The following ZFHX3 variants were observed in gnomAD, a reference collection of about 807,000 sequenced individuals.
ZFHX3 encodes the protein zinc finger homeobox 3, also known as zinc finger homeobox protein 3.
ZFHX3 carries 42 observed loss-of-function variants against 279.1 expected under a neutral mutation model. That is an observed-to-expected ratio of 0.15 (90% CI 0.12 to 0.19). The LOEUF (loss-of-function observed/expected upper bound fraction) is 0.19, where lower values mean the gene tolerates loss of function less well. Among genes scored for constraint, ZFHX3 ranks in the 10% least tolerant of loss-of-function variants. ZFHX3 has a pLI of 1.00. For synonymous variants in ZFHX3, 2,293 were observed against 1,957.8 expected (o/e 1.17, Z -4.52); for missense variants, 4,981 against 4,754.0 (o/e 1.05, Z -1.40).
chr16:73,788,335 G>T (rs1168780928), intron 1 of ZFHX3, among the ~76,000 whole-genome samples: 1 of 152,194 alleles, frequency 6.6e-6, no homozygotes, highest in Non-Finnish European at 1.5e-5. Context: ...CATCCCCTGG[G>T]CTTGGAGAGA....
intron 1 of ZFHX3, among the ~76,000 whole-genome samples, chr16:72,986,322 G>T (rs1382785112): frequency 6.6e-6 from 1 of 152,166 alleles, no homozygotes; most frequent in African/African-American, 2.4e-5. Context: ...ATCGATGGAG[G>T]GGGGCTGCTC....
At chr16:73,699,033 C>T (rs1015864364) in intron 1 of ZFHX3, among the ~76,000 whole-genome samples, 25 of 152,046 alleles carry the variant, frequency 1.6e-4, no homozygotes, top group African/African-American at 5.6e-4. Context: ...TATAGGCGCC[C>T]GCTACCACGC....
chr16:73,025,675 C>G (rs1282347028), intron 1 of ZFHX3, among the ~76,000 whole-genome samples: 1 of 152,138 alleles, frequency 6.6e-6, no homozygotes, highest in Non-Finnish European at 1.5e-5. Context: ...GACACCCCAG[C>G]CAACATGAAC....
chr16:72,926,564 G>A (rs1288117051), intron 3 of ZFHX3, among the ~76,000 whole-genome samples: 3 of 152,098 alleles, frequency 2.0e-5, no homozygotes, highest in African/African-American at 7.2e-5. Flanking sequence ...CTTCCTTTTC[G>A]GAGTATGGAT....
intron 3 of ZFHX3, among the ~76,000 whole-genome samples, chr16:73,330,502 TA>T (rs1842984217): frequency 1.3e-5 from 2 of 152,140 alleles, no homozygotes. Context: ...GGGAATGCAA[TA>T]GGGGCAAACG....
intron 2 of ZFHX3, among the ~76,000 whole-genome samples, chr16:73,553,639 G>T (rs2020234641): frequency 6.6e-6 from 1 of 152,158 alleles, no homozygotes; most frequent in Non-Finnish European, 1.5e-5. Context: ...TATATTTAAG[G>T]ACAGCATAGA....
chr16:73,058,941 GGGA>G lies in ZFHX3; in HGVS notation c.-438_-436del, dbSNP rs547025423. 752 of 169,616 alleles carry G rather than the reference GGGA, an allele frequency of 4.4e-3. 5 individuals carry two copies. Among genetic ancestry groups the G allele is most frequent in the African/African-American group, 0.011 (469 of 40,990 alleles). 10.5% of individuals were successfully genotyped at this position (169,616 alleles called of 1,614,324 possible). On this transcript the variant is annotated 5_prime_UTR_variant, in exon 1 of 9. Coordinates refer to the ZFHX3 transcript ENST00000397992. ...GCAGGCGGCGGCGGCGGCTGCGGCC[GGGA>G]GGAGGAGGAGGAGGAGGCGGCGGCG...
At chr16:73,812,494 T>C (rs903260211) in intron 1 of ZFHX3, 1 of 152,202 alleles carries the variant, frequency 6.6e-6, no homozygotes, top group African/African-American at 2.4e-5. Flanking sequence ...ACACGTTTGT[T>C]TGGGCAGTTA....
At chr16:73,135,563 T>G (rs1966773754) in intron 6 of ZFHX3, among the ~76,000 whole-genome samples, 1 of 152,196 alleles carries the variant, frequency 6.6e-6, no homozygotes, top group Admixed American at 6.5e-5. Flanking sequence ...CTCTGAGAGG[T>G]TGCAAACTTA....
chr16:72,878,536 C>G (rs1490814365), intron 4 of ZFHX3, among the ~76,000 whole-genome samples: 2 of 152,236 alleles, frequency 1.3e-5, no homozygotes. Flanking sequence ...CTCAGAGCAA[C>G]CCGAGGCACG....
chr16:73,542,065 G>T (rs1282238448), intron 2 of ZFHX3, among the ~76,000 whole-genome samples: 1 of 151,986 alleles, frequency 6.6e-6, no homozygotes, highest in Non-Finnish European at 1.5e-5. Context: ...CTCCCAAAAT[G>T]CTTGGATTAC....
At position 72,787,046 on chromosome 16, in the gene ZFHX3, T is replaced by TC. The variant is rs909503473; in HGVS notation, c.*117_*118insG. 6 of 1,016,228 alleles carry TC rather than the reference T, an allele frequency of 5.9e-6. 1 individual carries two copies. Among genetic ancestry groups the TC allele is most frequent in the East Asian group, 7.8e-5 (2 of 25,502 alleles). The allele number at this position is 1,016,228 out of a possible 1,614,324, so 63.0% of individuals were successfully genotyped here. A position where few individuals can be genotyped will look rare whatever the true frequency, so the allele number is the denominator to read the frequency against. ...ACGCTTTTTCTTTTTTTTCTTTTTT[T>TC]TTTTTTTTTTGTTTTTTGGTTAGAA... On this transcript the variant is annotated 3_prime_UTR_variant, in exon 10 of 10. Transcript: ENST00000268489.
intron 3 of ZFHX3, among the ~76,000 whole-genome samples, chr16:73,408,122 T>G (rs1264792277): frequency 2.0e-5 from 3 of 151,396 alleles, no homozygotes; most frequent in South Asian, 2.1e-4. Flanking sequence ...TTTTTTTTTT[T>G]GCTTGGGTGG....
intron 1 of ZFHX3, among the ~76,000 whole-genome samples, chr16:73,043,491 T>C (rs940883725): frequency 7.9e-5 from 12 of 152,200 alleles, no homozygotes; most frequent in African/African-American, 1.2e-4. Context: ...AGAAACTCCA[T>C]GAATGAAGGC....
chr16:73,259,367 A>G (rs1356515184), intron 4 of ZFHX3, among the ~76,000 whole-genome samples: 1 of 152,174 alleles, frequency 6.6e-6, no homozygotes, highest in East Asian at 1.9e-4. Flanking sequence ...AAACTTTATA[A>G]TGTTTGCCAG....
chr16:73,498,124 C>T (rs2019172437), intron 2 of ZFHX3, among the ~76,000 whole-genome samples: 1 of 152,206 alleles, frequency 6.6e-6, no homozygotes, highest in Admixed American at 6.5e-5. Flanking sequence ...AGGCATGCTG[C>T]CTTCTAAATG....
intron 3 of ZFHX3, among the ~76,000 whole-genome samples, chr16:72,929,269 A>T (rs977786650): frequency 6.6e-6 from 1 of 152,096 alleles, no homozygotes; most frequent in Non-Finnish European, 1.5e-5. Flanking sequence ...AGTGAGGTAA[A>T]AAATCAAATT....
intron 2 of ZFHX3, among the ~76,000 whole-genome samples, chr16:73,657,711 C>T (rs2052737167): frequency 6.6e-6 from 1 of 152,052 alleles, no homozygotes; most frequent in African/African-American, 2.4e-5. Flanking sequence ...GACACGTGGT[C>T]TTTTTTGCCT....
chr16:73,229,757 G>A (rs1366591315), intron 5 of ZFHX3, among the ~76,000 whole-genome samples: 1 of 152,142 alleles, frequency 6.6e-6, no homozygotes, highest in African/African-American at 2.4e-5. Context: ...TGTGATTCTA[G>A]TGACTTTAGT....
Sources: gnomAD v4.1 joint callset for allele counts (sites outside exome capture counted in the v4.1 genomes callset) on GRCh38, gnomAD v4.1.1 for gene constraint, MANE v1.5 for transcripts, NCBI Gene and HGNC (gene_info 2026-07-23, HGNC 2026-07-21) for gene names.